DLEU7: variants seen among roughly 807,000 people sequenced by gnomAD.
DLEU7 encodes the protein leukemia-associated protein 7.
DLEU7 carries 17 observed loss-of-function variants against 16.0 expected under a neutral mutation model. That is an observed-to-expected ratio of 1.06 (90% CI 0.73 to 1.59). The LOEUF is 1.59. Ranked by LOEUF, DLEU7 falls within the 40% of genes most tolerant of loss-of-function variation. The probability of loss-of-function intolerance (pLI) is 0.00; values close to 1 mark genes in which losing one functional copy is unlikely to be tolerated. For synonymous variants in DLEU7, 113 were observed against 139.8 expected, an observed-to-expected ratio of 0.81 and a Z score of 1.35; for missense variants, 308 against 314.9, an observed-to-expected ratio of 0.98 and a Z score of 0.17.
chr13:50,741,561 A>G (rs1593536623), intron 1 of DLEU7, among the ~76,000 whole-genome samples: 2 of 152,300 alleles, frequency 1.3e-5, no homozygotes, highest in African/African-American at 4.8e-5. Context: ...ATCTACATCA[A>G]CATTTACACT....
chr13:50,749,570 C>T (rs965432499), intron 1 of DLEU7, among the ~76,000 whole-genome samples: 1 of 152,150 alleles, frequency 6.6e-6, no homozygotes, highest in African/African-American at 2.4e-5. Flanking sequence ...AGACATGTTC[C>T]CTGATCACTG....
chr13:50,795,350 G>A (rs1188669784), intron 1 of DLEU7, among the ~76,000 whole-genome samples: 2 of 152,126 alleles, frequency 1.3e-5, no homozygotes, highest in East Asian at 1.9e-4. Flanking sequence ...GTCCATGCAC[G>A]TCTCCAGAGT....
downstream of DLEU7, chr13:50,822,535 G>T: frequency 5.2e-6 from 4 of 775,386 alleles, no homozygotes; most frequent in Non-Finnish European, 6.3e-6. Flanking sequence ...GCTCTAAACG[G>T]TTTGGGAAAC....
chr13:50,769,920 A>G (rs1243288851), intron 1 of DLEU7, among the ~76,000 whole-genome samples: 2 of 152,228 alleles, frequency 1.3e-5, no homozygotes, highest in African/African-American at 2.4e-5. Context: ...ATCCATGAGC[A>G]TGGAATGTTC....
intron 1 of DLEU7, among the ~76,000 whole-genome samples, chr13:50,720,423 G>T (rs1426011287): frequency 6.6e-6 from 1 of 152,220 alleles, no homozygotes; most frequent in Non-Finnish European, 1.5e-5. Context: ...AGGTGAGCCA[G>T]ATCTAGTGCT....
intron 1 of DLEU7, among the ~76,000 whole-genome samples, chr13:50,763,460 A>G (rs953253795): frequency 2.7e-4 from 41 of 152,328 alleles, no homozygotes; most frequent in African/African-American, 9.6e-4. Flanking sequence ...AGATGGAAGA[A>G]GAAAATGAAC....
At chr13:50,721,118 G>A (rs917736467) in intron 1 of DLEU7, among the ~76,000 whole-genome samples, 1 of 152,150 alleles carries the variant, frequency 6.6e-6, no homozygotes, top group Non-Finnish European at 1.5e-5. Flanking sequence ...AGAAGAAGGT[G>A]GGAGAAGCCG....
Position 50,843,313 on chromosome 13 carries a change from G to C in DLEU7, c.334C>G (p.Leu112Val), listed in dbSNP as rs1487623907. Residue 112 changes from leucine to valine, a missense_variant, in exon 1 of 2, where the codon CTG (leucine) becomes GTG (valine). Transcript: ENST00000504404. The surrounding 1 kb of genome is among the most constrained non-coding windows in gnomAD (Gnocchi z 5.7). Reference sequence around the variant, plus strand: ...GCGCTGCGCATCGCCATCTGGGCCAGGGTGCAGGGCCCGCGGTCCCGGGGG... The same window carrying C: ...GCGCTGCGCATCGCCATCTGGGCCACGGTGCAGGGCCCGCGGTCCCGGGGG... ...PFPRDRGPCT[L>V]AQMAMRSALA... 6.5e-7 allele frequency: 1 copy of C among 1,537,764 alleles called. No homozygotes were observed. Among genetic ancestry groups the C allele is most frequent in the Non-Finnish European group, 8.7e-7 (1 of 1,142,888 alleles).
chr13:50,799,633 A>G (rs1356148283), intron 1 of DLEU7, among the ~76,000 whole-genome samples: 1 of 152,192 alleles, frequency 6.6e-6, no homozygotes, highest in Non-Finnish European at 1.5e-5. Context: ...GGTCTCGGGC[A>G]CATGCAGAAA....
intron 1 of DLEU7, among the ~76,000 whole-genome samples, chr13:50,765,007 A>G (rs1441790308): frequency 6.6e-6 from 1 of 151,990 alleles, no homozygotes. Flanking sequence ...CACAGCCTCC[A>G]AAGTAGCTGG....
chr13:50,806,473 AC>A (rs1876393549), intron 1 of DLEU7, among the ~76,000 whole-genome samples: 1 of 152,140 alleles, frequency 6.6e-6, no homozygotes, highest in African/African-American at 2.4e-5. Flanking sequence ...TCAATGAAGA[AC>A]ATAAACACAA....
At chr13:50,804,053 T>A (rs1876321936) in intron 1 of DLEU7, among the ~76,000 whole-genome samples, 1 of 152,174 alleles carries the variant, frequency 6.6e-6, no homozygotes, top group Non-Finnish European at 1.5e-5. Context: ...TATTAATTTT[T>A]TAGAGGGCTA....
chr13:50,824,474 C>A (rs1877018721), intron 1 of DLEU7, among the ~76,000 whole-genome samples: 1 of 152,146 alleles, frequency 6.6e-6, no homozygotes, highest in Admixed American at 6.5e-5. Context: ...GGCAAACATC[C>A]TTTCTGAGCT....
At chr13:50,771,381 G>C (rs955408831) in intron 1 of DLEU7, among the ~76,000 whole-genome samples, 1 of 152,124 alleles carries the variant, frequency 6.6e-6, no homozygotes, top group Non-Finnish European at 1.5e-5. Context: ...GATCTTCCCT[G>C]CTTTCTCTTG....
chr13:50,729,172 C>T lies in DLEU7; in HGVS notation c.460-15932G>A, dbSNP rs79777570. 9.6e-3 allele frequency among the ~76,000 whole-genome samples: 1,464 copies of T among 152,208 alleles called. 29 individuals carry two copies. Among genetic ancestry groups the T allele is most frequent in the African/African-American group, 0.032 (1,340 of 41,508 alleles). Reference sequence around the variant, plus strand: ...TCCATAGGTAGTTTTCAGATCCTCACCCTCCTCCCACCCTCCACCCTCAAT... The same window carrying T: ...TCCATAGGTAGTTTTCAGATCCTCATCCTCCTCCCACCCTCCACCCTCAAT... On this transcript the variant is annotated intron_variant, in intron 1 of 1. Coordinates refer to the DLEU7 transcript ENST00000400393.
intron 1 of DLEU7, among the ~76,000 whole-genome samples, chr13:50,793,872 A>C (rs999507034): frequency 1.3e-5 from 2 of 152,112 alleles, no homozygotes; most frequent in African/African-American, 4.8e-5. Context: ...CCCATTTGTC[A>C]ATTTCTAGTT....
intron 1 of DLEU7, among the ~76,000 whole-genome samples, chr13:50,803,716 T>C (rs924087391): frequency 6.6e-6 from 1 of 152,170 alleles, no homozygotes; most frequent in Non-Finnish European, 1.5e-5. Context: ...GATGCATTTC[T>C]TTAAAAAACA....
intron 1 of DLEU7, among the ~76,000 whole-genome samples, chr13:50,817,369 A>G (rs989721384): frequency 6.6e-6 from 1 of 152,176 alleles, no homozygotes; most frequent in Non-Finnish European, 1.5e-5. Context: ...ACAAAGGTAA[A>G]GCTCTCTGGT....
intron 1 of DLEU7, among the ~76,000 whole-genome samples, chr13:50,836,364 G>A (rs546513849): frequency 6.8e-5 from 7 of 103,156 alleles, no homozygotes; most frequent in African/African-American, 2.8e-4. Context: ...AGGAGAAGAA[G>A]AAAGAGAGAA....
Sources: gnomAD v4.1 joint callset for allele counts (sites outside exome capture counted in the v4.1 genomes callset) on GRCh38, gnomAD v4.1.1 for gene constraint, Gnocchi (gnomAD v3.1) non-coding constraint, MANE v1.5 for transcripts, NCBI Gene and HGNC (gene_info 2026-07-23, HGNC 2026-07-21) for gene names.